DNAAF9: variants seen among roughly 807,000 people sequenced by gnomAD.
DNAAF9 encodes the protein dynein axonemal assembly factor 9.
In DNAAF9, 90 loss-of-function variants were observed where a neutral mutation model predicts 167.0. The ratio of observed to expected loss-of-function variants is 0.54; its 90% CI spans 0.45 to 0.64. The LOEUF is 0.64. Among genes scored for constraint, DNAAF9 ranks in the 30% least tolerant of loss-of-function variants. DNAAF9 has a pLI of 0.00. For missense variants in DNAAF9, 1,315 were observed against 1,442.2 expected (o/e 0.91, Z 1.43); for synonymous variants, 491 against 508.8 (o/e 0.96, Z 0.47).
At chr20:3,353,569 A>G (rs549316709) in intron 7 of DNAAF9, among the ~76,000 whole-genome samples, 280 of 151,454 alleles carry the variant, frequency 1.8e-3, no homozygotes, top group African/African-American at 6.5e-3. Flanking sequence ...CAGAGGTTGC[A>G]GTGAGCCGAG....
chr20:3,381,360 T>G lies in DNAAF9; in HGVS notation c.283+19A>C, dbSNP rs1460097526. 1.3e-6 allele frequency: 2 copies of G among 1,588,950 alleles called. No individual in the cohort carries two copies. Among genetic ancestry groups the G allele is most frequent in the Admixed American group, 3.4e-5 (2 of 58,958 alleles). On this transcript the variant is annotated intron_variant, in intron 3 of 36. Coordinates refer to ENST00000252032, the MANE Select transcript of DNAAF9 (RefSeq NM_001009984.3). Reference sequence around the variant, plus strand: ...CCTCTTACTCTTCTATCACACAGAGTTTACCAATATATACTTACCATCTAG... The same window carrying G: ...CCTCTTACTCTTCTATCACACAGAGGTTACCAATATATACTTACCATCTAG...
At chr20:3,401,451 C>T (rs902892060) in intron 1 of DNAAF9, among the ~76,000 whole-genome samples, 2 of 152,092 alleles carry the variant, frequency 1.3e-5, no homozygotes, top group African/African-American at 2.4e-5. Flanking sequence ...CCACCCACCT[C>T]GGTCTCCCAA....
intron 7 of DNAAF9, among the ~76,000 whole-genome samples, chr20:3,354,388 G>A (rs954861806): frequency 6.6e-6 from 1 of 152,230 alleles, no homozygotes; most frequent in Non-Finnish European, 1.5e-5. Context: ...CCATGCCACT[G>A]TGCCTTGGCC....
At chr20:3,403,763 T>C (rs2084019236) in intron 1 of DNAAF9, among the ~76,000 whole-genome samples, 1 of 152,118 alleles carries the variant, frequency 6.6e-6, no homozygotes, top group Non-Finnish European at 1.5e-5. Flanking sequence ...AACATCAATA[T>C]GACTGTCTAT....
intron 6 of DNAAF9, among the ~76,000 whole-genome samples, chr20:3,363,068 A>G (rs1466984926): frequency 1.3e-5 from 2 of 152,062 alleles, no homozygotes; most frequent in Non-Finnish European, 2.9e-5. Context: ...GTCTCTACTA[A>G]TAATACAAAA....
intron 1 of DNAAF9, among the ~76,000 whole-genome samples, chr20:3,402,972 G>A (rs78470087): frequency 0.043 from 6,581 of 152,182 alleles, 205 homozygotes; most frequent in African/African-American, 0.089. Context: ...TGGTTCTAAG[G>A]AATGTATTTA....
chr20:3,383,070 C>T (rs60753176), intron 1 of DNAAF9, among the ~76,000 whole-genome samples: 6,557 of 152,096 alleles, frequency 0.043, 205 homozygotes, highest in African/African-American at 0.089. Flanking sequence ...GCCCTAGGGA[C>T]AGCCGTTTGC....
At chr20:3,364,653 C>G (rs1338164170) in intron 6 of DNAAF9, among the ~76,000 whole-genome samples, 1 of 152,172 alleles carries the variant, frequency 6.6e-6, no homozygotes, top group Non-Finnish European at 1.5e-5. Flanking sequence ...ATGTTTACAA[C>G]ACACCATAGT....
chr20:3,376,383 C>T, intron 3 of DNAAF9, 81 bp from the exon 4 acceptor site: 12 of 1,109,782 alleles, frequency 1.1e-5, no homozygotes, highest in South Asian at 3.2e-5. Flanking sequence ...ATTAGTAAAA[C>T]CATTGAAACT....
At chr20:3,370,146 T>C (rs866096469) in intron 6 of DNAAF9, among the ~76,000 whole-genome samples, 1 of 152,234 alleles carries the variant, frequency 6.6e-6, no homozygotes, top group Non-Finnish European at 1.5e-5. Flanking sequence ...CATCCCCTTA[T>C]ATTCTACATG....
chr20:3,289,621 G>A (rs2068914399), intron 26 of DNAAF9, among the ~76,000 whole-genome samples: 2 of 152,100 alleles, frequency 1.3e-5, no homozygotes, highest in African/African-American at 4.8e-5. Context: ...CTAGGTTCAA[G>A]TGATCCTCCC....
chr20:3,324,898 G>C lies in DNAAF9; in HGVS notation c.1259C>G (p.Ala420Gly), dbSNP rs748217466. ...DSFELIPFKAALRSKMTFHIH... is the reference protein window; with the variant it reads ...DSFELIPFKAGLRSKMTFHIH... ...AATATCAGCCATTGCTTACCGCAGG[G>C]CTGCCTTAAACGGAATCAACTCAAA... Residue 420 changes from alanine (A) to glycine (G), a missense_variant, in exon 14 of 37, where the codon GCC becomes GGC. By Grantham distance (60) the Ala-to-Gly change is moderately conservative (BLOSUM62 0). Coordinates refer to ENST00000252032, the MANE Select transcript of DNAAF9 (RefSeq NM_001009984.3). 3.4e-5 allele frequency: 53 copies of C among 1,580,652 alleles called. No homozygotes were observed. Among genetic ancestry groups the C allele is most frequent in the Non-Finnish European group, 3.6e-5 (41 of 1,150,238 alleles).
intron 30 of DNAAF9, among the ~76,000 whole-genome samples, chr20:3,269,965 A>G (rs2068563340): frequency 6.6e-6 from 1 of 151,530 alleles, no homozygotes; most frequent in South Asian, 2.1e-4. Flanking sequence ...CTCAAAAAAA[A>G]AAAAAACACT....
intron 3 of DNAAF9, among the ~76,000 whole-genome samples, chr20:3,377,634 T>A (rs923358330): frequency 5.9e-5 from 9 of 152,012 alleles, no homozygotes; most frequent in African/African-American, 1.2e-4. Context: ...ATTTTTATTT[T>A]TTTTTTGTAG....
At chr20:3,331,323 T>TA (rs1296882350) in intron 11 of DNAAF9, among the ~76,000 whole-genome samples, 10 of 152,214 alleles carry the variant, frequency 6.6e-5, no homozygotes, top group Admixed American at 6.5e-4. Context: ...CCTCTTGCTT[T>TA]ATCTCCTTAA....
intron 36 of DNAAF9, among the ~76,000 whole-genome samples, chr20:3,253,312 G>A (rs987354198): frequency 1.2e-4 from 18 of 152,246 alleles, no homozygotes; most frequent in African/African-American, 4.3e-4. Flanking sequence ...ACGGCGGCAG[G>A]CGCCTGTAAT....
chr20:3,278,959 A>G lies in DNAAF9; in HGVS notation c.2613-10T>C. ...TTTAGGAAAGAGAAATCTAGGGGGA[A>G]AAAAGGGGGAAATATTTAAAAACCA... On this transcript the variant is annotated splice_polypyrimidine_tract_variant and intron_variant, in intron 28 of 36. Transcript: ENST00000252032. The G allele has an allele frequency of 6.3e-7, 1 of 1,582,398 alleles. No homozygotes were observed. Among genetic ancestry groups the G allele is most frequent in the Non-Finnish European group, 8.7e-7 (1 of 1,152,126 alleles).
intron 29 of DNAAF9, among the ~76,000 whole-genome samples, chr20:3,274,235 C>T (rs951566171): frequency 3.6e-4 from 53 of 148,128 alleles, no homozygotes; most frequent in African/African-American, 8.5e-4. Flanking sequence ...CTCCATGTCC[C>T]GGGTTCAAGT....
intron 28 of DNAAF9, 114 bp downstream of exon 28, chr20:3,281,527 A>G: frequency 1.0e-6 from 1 of 980,860 alleles, no homozygotes. Flanking sequence ...CACTAATAAA[A>G]GAACAGCATT....
Sources: allele counts gnomAD v4.1 joint callset (sites outside exome capture counted in the v4.1 genomes callset), GRCh38; gene constraint gnomAD v4.1.1; transcripts MANE v1.5; gene names NCBI Gene and HGNC (gene_info 2026-07-23, HGNC 2026-07-21).